NUDT19: variants seen among roughly 807,000 people sequenced by gnomAD.
The protein encoded by NUDT19 is acyl-coenzyme A diphosphatase NUDT19.
Under a neutral mutation model 22.2 loss-of-function variants are expected in NUDT19, and 31 were observed. That is an observed-to-expected ratio of 1.40 (90% CI 1.05 to 1.89). NUDT19 has a LOEUF of 1.89. Among genes scored for constraint, NUDT19 ranks in the 40% most tolerant of loss-of-function variants. NUDT19 has a pLI of 0.00. For synonymous variants in NUDT19, 325 were observed against 230.8 expected (o/e 1.41, Z -3.70); for missense variants, 752 against 514.2 (o/e 1.46, Z -4.47).
At chr19:32,708,251 C>T (rs1230045592) in intron 1 of NUDT19, among the ~76,000 whole-genome samples, 1 of 151,068 alleles carries the variant, frequency 6.6e-6, no homozygotes, top group African/African-American at 2.4e-5. Flanking sequence ...CACAGTGAGA[C>T]CCCGTCTCTA....
At chr19:32,699,223 G>A (rs1968303391) in intron 1 of NUDT19, among the ~76,000 whole-genome samples, 1 of 152,172 alleles carries the variant, frequency 6.6e-6, no homozygotes, top group Non-Finnish European at 1.5e-5. Context: ...AACTAGAAAA[G>A]CACCAGAGAT....
intron 2 of NUDT19, 81 bp downstream of exon 2, chr19:32,709,473 A>G (rs1847930568): frequency 2.8e-6 from 3 of 1,088,304 alleles, no homozygotes; most frequent in Non-Finnish European, 4.2e-6. Flanking sequence ...CCCAACGTAG[A>G]GACAGGAATT....
Position 32,712,887 on chromosome 19 carries a change from T to C in NUDT19, c.*930T>C, listed in dbSNP as rs1180599098. The C allele has an allele frequency of 6.6e-6, 1 of 152,242 alleles. No homozygotes were observed. Among genetic ancestry groups the C allele is most frequent in the Non-Finnish European group, 1.5e-5 (1 of 68,038 alleles). 9.4% of individuals were successfully genotyped at this position (152,242 alleles called of 1,614,324 possible). On this transcript the variant is annotated 3_prime_UTR_variant, in exon 3 of 3. Coordinates refer to ENST00000397061, the MANE Select transcript of NUDT19 (RefSeq NM_001105570.2). ...TTTAAATAACATGTTCTGCTGTTTATTGTTCTTGTTATCCACTGTATTAGC... is the reference window on the plus strand; with the variant it reads ...TTTAAATAACATGTTCTGCTGTTTACTGTTCTTGTTATCCACTGTATTAGC...
intron 1 of NUDT19, among the ~76,000 whole-genome samples, chr19:32,697,355 T>C (rs1290079220): frequency 6.6e-6 from 1 of 152,176 alleles, no homozygotes; most frequent in East Asian, 1.9e-4. Flanking sequence ...AAACTTGTCT[T>C]TTAGGATCAA....
Position 32,709,381 on chromosome 19 carries a change from A to G in NUDT19, c.911A>G (p.His304Arg), listed in dbSNP as rs772935446. Residue 304 changes from histidine to arginine, a missense_variant, in exon 2 of 3, where the codon CAT becomes CGT. Physicochemically the swap from His to Arg is conservative, Grantham distance 29. Coordinates refer to ENST00000397061, the MANE Select transcript of NUDT19 (RefSeq NM_001105570.2). Reference protein sequence around the residue: ...IILLTADGMVHLLPGDELYLE... With the variant: ...IILLTADGMVRLLPGDELYLE... Reference sequence around the variant, plus strand: ...TTGTTAACTGCTGATGGGATGGTCCATCTTTTACCAGGTAAACCAGTGAAG... The same window carrying G: ...TTGTTAACTGCTGATGGGATGGTCCGTCTTTTACCAGGTAAACCAGTGAAG... 63 of 1,613,836 alleles carry G rather than the reference A, an allele frequency of 3.9e-5. No homozygotes were observed. Among genetic ancestry groups the G allele is most frequent in the Non-Finnish European group, 4.7e-5 (56 of 1,179,838 alleles).
At chr19:32,693,686 G>GT (rs1364374551) in intron 1 of NUDT19, among the ~76,000 whole-genome samples, 1 of 152,070 alleles carries the variant, frequency 6.6e-6, no homozygotes, top group African/African-American at 2.4e-5. Flanking sequence ...TGATTGGTGC[G>GT]TTTTTACATA....
chr19:32,692,478 A>G lies in NUDT19; in HGVS notation c.518A>G (p.Gln173Arg), dbSNP rs2145353362. The G allele has an allele frequency of 1.3e-6, 2 of 1,551,392 alleles. No homozygotes were observed. The highest frequency in any genetic ancestry group is 1.7e-6 in the Non-Finnish European group (2 of 1,152,012). Residue 173 changes from glutamine to arginine, a missense_variant, in exon 1 of 3, where the codon CAG becomes CGG. By Grantham distance (43) the Gln-to-Arg change is conservative (BLOSUM62 1). Coordinates refer to ENST00000397061, the MANE Select transcript of NUDT19 (RefSeq NM_001105570.2). ...GLASWRDRVR[Q>R]DPRHFLRLCA... Reference sequence around the variant, plus strand: ...GCCTCCTGGCGCGACCGCGTGCGCCAGGACCCGCGCCACTTCCTGCGGCTG... The same window carrying G: ...GCCTCCTGGCGCGACCGCGTGCGCCGGGACCCGCGCCACTTCCTGCGGCTG...
At position 32,692,488 on chromosome 19, in the gene NUDT19, C is replaced by T; in HGVS notation, c.528C>T (p.Arg176=). 6.4e-7 allele frequency: 1 copy of T among 1,555,816 alleles called. No individual in the cohort carries two copies. Among genetic ancestry groups the T allele is most frequent in the Non-Finnish European group, 8.7e-7 (1 of 1,153,864 alleles). The change falls in exon 1 of 3, where the codon CGC becomes CGT. Residue 176 remains arginine, a synonymous_variant. Coordinates refer to ENST00000397061, the MANE Select transcript of NUDT19 (RefSeq NM_001105570.2). ...GCGACCGCGTGCGCCAGGACCCGCGCCACTTCCTGCGGCTGTGCGCCCACC... is the reference window on the plus strand; with the variant it reads ...GCGACCGCGTGCGCCAGGACCCGCGTCACTTCCTGCGGCTGTGCGCCCACC... ...SWRDRVRQDP[R]HFLRLCAHLD...
intron 1 of NUDT19, among the ~76,000 whole-genome samples, chr19:32,700,758 C>T (rs1013715915): frequency 3.3e-5 from 5 of 152,044 alleles, no homozygotes; most frequent in Non-Finnish European, 7.4e-5. Flanking sequence ...ATTTATTGGC[C>T]AGTACAGTGA....
Position 32,702,120 on chromosome 19 carries a change from C to T in NUDT19, c.715-7065C>T, listed in dbSNP as rs561895094. Reference sequence around the variant, plus strand: ...ACTGAGCATCAGGGCTACTTACAGACTCCCAGGAGAGTGCTGTAAAAAGTT... The same window carrying T: ...ACTGAGCATCAGGGCTACTTACAGATTCCCAGGAGAGTGCTGTAAAAAGTT... On this transcript the variant is annotated intron_variant, in intron 1 of 2. Transcript: ENST00000397061. Among the ~76,000 whole-genome samples, 5 of 152,350 alleles carry T rather than the reference C, an allele frequency of 3.3e-5. No homozygotes were observed. The South Asian group carries it at 1.0e-3, about 32-fold the overall frequency.
intron 1 of NUDT19, among the ~76,000 whole-genome samples, chr19:32,699,879 T>C (rs1968313817): frequency 6.6e-6 from 1 of 152,146 alleles, no homozygotes. Context: ...TTTCTTTCGT[T>C]GGGTTCGTGG....
intron 1 of NUDT19, among the ~76,000 whole-genome samples, chr19:32,699,502 A>G (rs1237355433): frequency 6.6e-6 from 1 of 152,142 alleles, no homozygotes; most frequent in African/African-American, 2.4e-5. Flanking sequence ...AGGCAAACCA[A>G]CGCTCCCCAC....
At position 32,692,223 on chromosome 19, in the gene NUDT19, G is replaced by T. The variant is rs770716224; in HGVS notation, c.263G>T (p.Arg88Leu). 1 of 1,584,020 alleles carries T rather than the reference G, an allele frequency of 6.3e-7. No homozygotes were observed. Among genetic ancestry groups the T allele is most frequent in the African/African-American group, 1.4e-5 (1 of 72,638 alleles). The stretch of plus-strand genomic sequence containing the variant: ...TTCGCGCCGCACCACGGGCCGCCGC[G>T]CTTCGGCCTGGGCCCGGCGCCATTC... ...GLFAPHHGPP[R>L]FGLGPAPFSR... The change falls in exon 1 of 3, where the codon CGC becomes CTC. Residue 88 changes from arginine (R) to leucine (L), a missense_variant. Arg to Leu is a moderately radical substitution (Grantham distance 102, BLOSUM62 -2). Transcript: ENST00000397061.
chr19:32,707,684 G>A (rs1392619040), intron 1 of NUDT19, among the ~76,000 whole-genome samples: 1 of 148,986 alleles, frequency 6.7e-6, no homozygotes, highest in Non-Finnish European at 1.5e-5. Flanking sequence ...CTCTACTAAA[G>A]ATACAAAAAT....
chr19:32,705,069 G>A (rs191309453), intron 1 of NUDT19, among the ~76,000 whole-genome samples: 3 of 138,614 alleles, frequency 2.2e-5, no homozygotes, highest in African/African-American at 8.2e-5. Context: ...TCACGCCATC[G>A]CACTCCAGCC....
Position 32,692,284 on chromosome 19 carries a change from T to C in NUDT19, c.324T>C (p.Asp108=), listed in dbSNP as rs765753461. ...CTTTCCCGTCGCTGCCCGACACCGA[T>C]GACCACAAGACCGACAACACTGGGA... ...RTAFPSLPDT[D]DHKTDNTGTL... Residue 108 remains aspartate, a synonymous_variant, in exon 1 of 3, where the codon GAT becomes GAC. Coordinates refer to ENST00000397061, the MANE Select transcript of NUDT19 (RefSeq NM_001105570.2). 3 of 1,593,006 alleles carry C rather than the reference T, an allele frequency of 1.9e-6. No individual in the cohort carries two copies. Among genetic ancestry groups the C allele is most frequent in the Admixed American group, 1.7e-5 (1 of 59,762 alleles).
At chr19:32,699,955 A>G (rs749725640) in intron 1 of NUDT19, among the ~76,000 whole-genome samples, 4 of 151,914 alleles carry the variant, frequency 2.6e-5, no homozygotes, top group Admixed American at 6.6e-5. Context: ...TAAAGGTGGC[A>G]TGTCTGGAGT....
At chr19:32,700,135 C>T (rs940187993) in intron 1 of NUDT19, among the ~76,000 whole-genome samples, 4 of 152,236 alleles carry the variant, frequency 2.6e-5, no homozygotes, top group Admixed American at 1.3e-4. Context: ...GAAAGGGACC[C>T]GAGCGGGTTG....
Position 32,692,040 on chromosome 19 carries a change from C to G in NUDT19, c.80C>G (p.Pro27Arg), listed in dbSNP as rs1452860238. ...GTCCTGGCGGCTGGCTGGTCGCGCCCGGAGACCGCCACCCCGCCGTCGCGC... is the reference window on the plus strand; with the variant it reads ...GTCCTGGCGGCTGGCTGGTCGCGCCGGGAGACCGCCACCCCGCCGTCGCGC... Reference protein sequence around the residue: ...SIVLAAGWSRPETATPPSRPP... With the variant: ...SIVLAAGWSRRETATPPSRPP... Residue 27 changes from proline (P) to arginine (R), a missense_variant, in exon 1 of 3, where the codon CCG (proline) becomes CGG (arginine). Coordinates refer to ENST00000397061, the MANE Select transcript of NUDT19 (RefSeq NM_001105570.2). 3.9e-6 allele frequency: 5 copies of G among 1,276,004 alleles called. No homozygotes were observed. Among genetic ancestry groups the G allele is most frequent in the Non-Finnish European group, 3.0e-6 (3 of 1,016,650 alleles). 79.0% of individuals were successfully genotyped at this position (1,276,004 alleles called of 1,614,324 possible). A position where few individuals can be genotyped will look rare whatever the true frequency, so the allele number is the denominator to read the frequency against.
Sources: allele counts gnomAD v4.1 joint callset (sites outside exome capture counted in the v4.1 genomes callset), GRCh38; gene constraint gnomAD v4.1.1; transcripts MANE v1.5; gene names NCBI Gene and HGNC (gene_info 2026-07-23, HGNC 2026-07-21).